OTOF: variants seen among roughly 807,000 people sequenced by gnomAD.
OTOF encodes fer-1-like family member 2.
In OTOF, 218 loss-of-function variants were observed where a neutral mutation model predicts 236.8. That is an observed-to-expected ratio of 0.92 (90% CI 0.82 to 1.03). OTOF has a LOEUF of 1.03. OTOF is among the 50% of genes least tolerant of loss of function. The pLI is 0.00. For synonymous variants in OTOF, 1,041 were observed against 1,072.5 expected, an observed-to-expected ratio of 0.97 and a Z score of 0.57; for missense variants, 2,590 against 2,694.4, an observed-to-expected ratio of 0.96 and a Z score of 0.86.
At chr2:26,511,693 G>C (rs1181706158) in intron 5 of OTOF, among the ~76,000 whole-genome samples, 1 of 152,234 alleles carries the variant, frequency 6.6e-6, no homozygotes, top group Non-Finnish European at 1.5e-5. Flanking sequence ...CACATCAGCT[G>C]AGACTACTAA....
chr2:26,550,869 G>A (rs749116520), intron 1 of OTOF, among the ~76,000 whole-genome samples: 2 of 151,992 alleles, frequency 1.3e-5, no homozygotes, highest in African/African-American at 4.8e-5. Flanking sequence ...AAGACCCTCC[G>A]TGTTTGGCTG....
chr2:26,458,851 G>T (rs997422543), intron 46 of OTOF, among the ~76,000 whole-genome samples: 1 of 152,268 alleles, frequency 6.6e-6, no homozygotes, highest in Admixed American at 6.5e-5. Context: ...AGGACATGGC[G>T]TGCAGCCCCA....
Position 26,462,053 on chromosome 2 carries a change from G to T in OTOF, c.5291+30C>A. 7.3e-7 allele frequency: 1 copy of T among 1,369,350 alleles called. No homozygotes were observed. The highest frequency in any genetic ancestry group is 1.0e-6 in the Non-Finnish European group (1 of 960,100). The allele number at this position is 1,369,350 out of a possible 1,614,324, so 84.8% of individuals were successfully genotyped here. A position where few individuals can be genotyped will look rare whatever the true frequency, so the allele number is the denominator to read the frequency against. On this transcript the variant is annotated intron_variant, in intron 42 of 46. Coordinates refer to ENST00000272371, the MANE Select transcript of OTOF (RefSeq NM_194248.3). This position sits in a 1 kb window ranked among gnomAD's most constrained non-coding sequence, Gnocchi z 4.7. ...CGGGAAGCAAGCCCCACCCAGCTCA[G>T]TCCCTCCCATGCAGGGACTGCTCAC... is the stretch of plus-strand genomic sequence containing the variant.
chr2:26,494,377 C>T (rs561787780), intron 9 of OTOF, among the ~76,000 whole-genome samples: 27 of 152,230 alleles, frequency 1.8e-4, no homozygotes, highest in Non-Finnish European at 3.5e-4. Context: ...ATGAAGGAGC[C>T]GAGCCAAGAG....
chr2:26,510,160 T>C (rs967928452), intron 5 of OTOF, among the ~76,000 whole-genome samples: 1 of 152,042 alleles, frequency 6.6e-6, no homozygotes, highest in African/African-American at 2.4e-5. Flanking sequence ...CCAGGAAGCC[T>C]TTTGGGGAGA....
At chr2:26,514,824 G>A (rs961849593) in intron 5 of OTOF, among the ~76,000 whole-genome samples, 5 of 152,114 alleles carry the variant, frequency 3.3e-5, no homozygotes, top group Non-Finnish European at 5.9e-5. Flanking sequence ...TGTGGCTTCC[G>A]ATCTTGTTCT....
At chr2:26,492,334 T>C (rs1324433903) in intron 9 of OTOF, among the ~76,000 whole-genome samples, 1 of 152,126 alleles carries the variant, frequency 6.6e-6, no homozygotes, top group Admixed American at 6.5e-5. Context: ...CAGTCCAAGA[T>C]ACCATAGTGC....
At chr2:26,510,604 G>A (rs1327100012) in intron 5 of OTOF, 8 of 704,092 alleles carry the variant, frequency 1.1e-5, no homozygotes, top group Non-Finnish European at 1.3e-5. Flanking sequence ...CCACTCCTGA[G>A]CCCTCTCAGC....
rs776398161 is a variant in OTOF at position 26,558,596 on chromosome 2, C to A, written c.-25G>T. ...TGCTGGTGTGGGCTGCCTGGCACTGCCAGGCAGGAGCAGCGGGAAGGAGCT... is the reference window on the plus strand; with the variant it reads ...TGCTGGTGTGGGCTGCCTGGCACTGACAGGCAGGAGCAGCGGGAAGGAGCT... On this transcript the variant is annotated 5_prime_UTR_variant, in exon 1 of 47. Coordinates refer to ENST00000272371, the MANE Select transcript of OTOF (RefSeq NM_194248.3). 3 of 1,602,324 alleles carry A rather than the reference C, an allele frequency of 1.9e-6. No individual in the cohort carries two copies. The highest frequency in any genetic ancestry group is 2.6e-6 in the Non-Finnish European group (3 of 1,169,932).
At position 26,489,658 on chromosome 2, in the gene OTOF, A is replaced by G. The variant is rs763242993; in HGVS notation, c.960+20T>C. ...GTTTGAGGGAGTGGCCCTGCCGGCC[A>G]GGGGCTGCTCCCCACTCACCGAAAT... is the stretch of plus-strand genomic sequence containing the variant. On this transcript the variant is annotated intron_variant, in intron 10 of 46. Coordinates refer to ENST00000272371, the MANE Select transcript of OTOF (RefSeq NM_194248.3). 3.1e-6 allele frequency: 5 copies of G among 1,606,460 alleles called. No homozygotes were observed. The highest frequency in any genetic ancestry group is 2.2e-5 in the South Asian group (2 of 90,956).
chr2:26,490,783 G>T (rs1472072406), intron 9 of OTOF, among the ~76,000 whole-genome samples: 1 of 152,170 alleles, frequency 6.6e-6, no homozygotes, highest in Non-Finnish European at 1.5e-5. Context: ...TGCTCCAGGG[G>T]TGCCATTCAC....
Position 26,480,186 on chromosome 2 carries a change from G to T in OTOF, c.1912+17C>A, listed in dbSNP as rs780815430. The T allele has an allele frequency of 6.5e-6, 10 of 1,529,172 alleles. No individual in the cohort carries two copies. The highest frequency in any genetic ancestry group is 8.2e-6 in the Non-Finnish European group (9 of 1,103,524). 94.7% of individuals were successfully genotyped at this position (1,529,172 alleles called of 1,614,324 possible). ...GCACTCACCTAGGCCCGAAGCCCCC[G>T]TGGGCCCAGCACTCACCTATGGTGA... On this transcript the variant is annotated intron_variant, in intron 16 of 46. Coordinates refer to ENST00000272371, the MANE Select transcript of OTOF (RefSeq NM_194248.3).
intron 2 of OTOF, among the ~76,000 whole-genome samples, chr2:26,531,388 A>G (rs4665333): frequency 0.028 from 4,283 of 151,816 alleles, 180 homozygotes; most frequent in African/African-American, 0.091. Context: ...ATCTGTGAAA[A>G]GAGGGGGGTG....
At chr2:26,526,672 T>G (rs1434254333) in intron 3 of OTOF, among the ~76,000 whole-genome samples, 5 of 152,232 alleles carry the variant, frequency 3.3e-5, no homozygotes, top group Non-Finnish European at 7.3e-5. Context: ...AGTGGACTCC[T>G]TGTCTCTCCT....
rs375343015 is a variant in OTOF at position 26,468,452 on chromosome 2, G to A, written c.4046C>T (p.Ser1349Phe). The change falls in exon 33 of 47, where the codon TCT (serine) becomes TTT (phenylalanine). Residue 1349 changes from serine (S) to phenylalanine (F), a missense_variant. This residue lies in a region of OTOF where 1,211 missense variants were observed against 1,352.8 expected (regional missense o/e 0.90). Transcript: ENST00000272371. Reference sequence around the variant, plus strand: ...CTCCTTCTCCTCCAAGTCAATTCCAGAGGGCTCTTGTTGTCGAAGTTGCTG... The same window carrying A: ...CTCCTTCTCCTCCAAGTCAATTCCAAAGGGCTCTTGTTGTCGAAGTTGCTG... ...MKEQLRQQEPSGIDLEEKEEV... is the reference protein window; with the variant it reads ...MKEQLRQQEPFGIDLEEKEEV... The A allele has an allele frequency of 1.3e-4, 205 of 1,614,008 alleles. No homozygotes were observed. The highest frequency in any genetic ancestry group is 1.6e-4 in the Non-Finnish European group (189 of 1,180,010).
Position 26,473,588 on chromosome 2 carries a change from G to T in OTOF, c.3409-21C>A. 1 of 1,587,666 alleles carries T rather than the reference G, an allele frequency of 6.3e-7. No individual in the cohort carries two copies. The stretch of plus-strand genomic sequence containing the variant: ...AGCACCTGGGAGAGGTTGGAGGGTG[G>T]GTGCAGAGAAGAGAGCCCCTTAGTC... On this transcript the variant is annotated intron_variant, in intron 27 of 46. Transcript: ENST00000272371. The surrounding 1 kb of genome is among the most constrained non-coding windows in gnomAD (Gnocchi z 7.2).
chr2:26,501,291 G>GA (rs773893606), intron 8 of OTOF, among the ~76,000 whole-genome samples: 3 of 152,084 alleles, frequency 2.0e-5, no homozygotes, highest in Non-Finnish European at 4.4e-5. Flanking sequence ...GCAAAAAGAA[G>GA]AAAAAAATCA....
chr2:26,458,250 C>T lies in OTOF; in HGVS notation c.*18-30G>A, dbSNP rs72853717. ...GAAGTGGAAGAGAGGAGCCGGTCAG[C>T]CAGTGGGCAGGAGCTGCCTCCCAGT... On this transcript the variant is annotated intron_variant, in intron 46 of 46. Coordinates refer to ENST00000272371, the MANE Select transcript of OTOF (RefSeq NM_194248.3). The T allele has an allele frequency of 3.5e-3, 5,436 of 1,554,910 alleles. 171 individuals are homozygous for T. The African/African-American group carries it at 0.066, about 19-fold the overall frequency.
rs141402959 is a variant in OTOF at position 26,534,517 on chromosome 2, C to T, written c.138+3199G>A. Among the ~76,000 whole-genome samples the T allele has an allele frequency of 3.4e-3, 518 of 152,314 alleles. 2 individuals carry two copies. The highest frequency in any genetic ancestry group is 0.011 in the African/African-American group (447 of 41,564). ...CATTGTCTTTCTTCCATGGCATCCT[C>T]CTCCCCACTCAGGTTCCTAAGCCCA... On this transcript the variant is annotated intron_variant, in intron 2 of 46. Transcript: ENST00000272371.
Sources: gnomAD v4.1 joint callset for allele counts (sites outside exome capture counted in the v4.1 genomes callset) on GRCh38, gnomAD v4.1.1 for gene constraint, gnomAD v4.1.1 regional missense constraint, Gnocchi (gnomAD v3.1) non-coding constraint, MANE v1.5 for transcripts, NCBI Gene and HGNC (gene_info 2026-07-23, HGNC 2026-07-21) for gene names.